The following ENDOU variants were observed in gnomAD, a reference collection of about 807,000 sequenced individuals.
The protein encoded by ENDOU is uridylate-specific endoribonuclease.
In ENDOU, 49 loss-of-function variants were observed where a neutral mutation model predicts 54.2. The observed-to-expected ratio is 0.90, with a 90% CI of 0.72 to 1.15. The LOEUF (loss-of-function observed/expected upper bound fraction) is 1.15. Among genes scored for constraint, ENDOU ranks in the 50% most tolerant of loss-of-function variants. The pLI is 0.00. For missense variants in ENDOU, 458 were observed against 511.4 expected (o/e 0.90, Z 1.01); for synonymous variants, 172 against 190.5 (o/e 0.90, Z 0.80).
chr12:47,717,045 G>A lies in ENDOU; in HGVS notation c.396C>T (p.Ser132=). The A allele has an allele frequency of 6.2e-7, 1 of 1,614,070 alleles. No homozygotes were observed. The highest frequency in any genetic ancestry group is 8.5e-7 in the Non-Finnish European group (1 of 1,180,002). ...TCTCCTCTTTTGTTATGGCATCACT[G>A]CTGTGGGAGACCTCTGGGAGGAATT... ...SLCSDHEVSH[S]SDAITKEEIQ... The change falls in exon 5 of 10, where the codon AGC becomes AGT. Residue 132 remains serine (S), a synonymous_variant. Coordinates refer to ENST00000422538, the MANE Select transcript of ENDOU (RefSeq NM_001172439.2).
In ENDOU at chr12:47,710,829, G is replaced by T. The variant is rs1207503274; in HGVS notation, c.1206C>A (p.Ala402=). ...AGGTGGAAGACACTATGTAGGCTGT[G>T]GCGATGTACTTCTTGCCATTCCCAT... ...STYGNGKKYI[A]TAYIVSST is the part of the protein sequence containing the mutation. The change falls in exon 10 of 10, where the codon GCC becomes GCA. Residue 402 remains alanine, a synonymous_variant. Transcript: ENST00000422538. 1.3e-5 allele frequency: 21 copies of T among 1,613,890 alleles called. No homozygotes were observed. Among genetic ancestry groups the T allele is most frequent in the Non-Finnish European group, 1.7e-5 (20 of 1,179,754 alleles).
intron 2 of ENDOU, 159 bp downstream of exon 2, chr12:47,720,594 T>C (rs1940398789): frequency 1.7e-6 from 1 of 587,674 alleles, no homozygotes; most frequent in Non-Finnish European, 2.7e-6. Context: ...CTGAGAAAAG[T>C]GGTGGCCAAA....
In ENDOU at chr12:47,713,275, C is replaced by T; in HGVS notation, c.865G>A (p.Gly289Ser). 2 of 1,599,376 alleles carry T rather than the reference C, an allele frequency of 1.3e-6. No homozygotes were observed. The highest frequency in any genetic ancestry group is 2.7e-5 in the African/African-American group (2 of 74,738). Residue 289 changes from glycine to serine, a missense_variant and splice_region_variant, in exon 7 of 10, where the codon GGT becomes AGT. Gly to Ser is a moderately conservative substitution (Grantham distance 56). Transcript: ENST00000422538. The stretch of plus-strand genomic sequence containing the variant: ...TTCTTTCCAAGAAAAGTGCTCCCAC[C>T]TGAGAAGACATGTTCAAAGCCACTC... ...DSSGFEHVFS[G>S]EVKKGKVTGF...
In ENDOU at chr12:47,711,649, C is replaced by A. The variant is rs773623402; in HGVS notation, c.1099G>T (p.Ala367Ser). 1.9e-6 allele frequency: 3 copies of A among 1,613,394 alleles called. No individual in the cohort carries two copies. Among genetic ancestry groups the A allele is most frequent in the Non-Finnish European group, 2.5e-6 (3 of 1,179,844 alleles). The change falls in exon 9 of 10, where the codon GCC becomes TCC. Residue 367 changes from alanine (A) to serine (S), a missense_variant. Transcript: ENST00000422538. The part of the protein sequence containing the change: ...EFALYSLCFI[A>S]RPGKVCQLSL... The stretch of plus-strand genomic sequence containing the variant: ...CATTCTTACACTTTGCCTGGCCTGG[C>A]GATGAAGCACAGGGAGTAGAGTGCA...
At chr12:47,717,854 TGC>T in intron 3 of ENDOU, 199 bp from the exon 4 acceptor site, 1 of 618,624 alleles carries the variant, frequency 1.6e-6, no homozygotes, top group Non-Finnish European at 2.8e-6. Context: ...CTTTCTGGCC[TGC>T]TGTTTTTCTA....
In ENDOU at chr12:47,716,951, T is replaced by C. The variant is rs1223481214; in HGVS notation, c.490A>G (p.Asn164Asp). The C allele has an allele frequency of 6.2e-7, 1 of 1,613,920 alleles. No homozygotes were observed. Among genetic ancestry groups the C allele is most frequent in the Non-Finnish European group, 8.5e-7 (1 of 1,179,908 alleles). ...NKAQKEDIVLNSQNCISPSET... is the reference protein window; with the variant it reads ...NKAQKEDIVLDSQNCISPSET... ...GACGGGGAGATGCAGTTTTGGCTAT[T>C]GAGAACGATGTCTTCCTTCTGGGCT... Residue 164 changes from asparagine (N) to aspartate (D), a missense_variant, in exon 5 of 10, where the codon AAT (asparagine) becomes GAT (aspartate). Coordinates refer to ENST00000422538, the MANE Select transcript of ENDOU (RefSeq NM_001172439.2).
intron 1 of ENDOU, among the ~76,000 whole-genome samples, chr12:47,723,353 T>TG (rs1162086434): frequency 6.6e-6 from 1 of 152,200 alleles, no homozygotes. Flanking sequence ...TGTGACATTC[T>TG]GGGGACACTC....
chr12:47,718,223 C>G (rs749202908), intron 2 of ENDOU, 29 bp from the exon 3 acceptor site: 2 of 1,544,814 alleles, frequency 1.3e-6, no homozygotes, highest in South Asian at 2.4e-5. Flanking sequence ...ATAAAGTCAC[C>G]AACAACCTGA....
intron 1 of ENDOU, among the ~76,000 whole-genome samples, chr12:47,721,870 T>A (rs1565737279): frequency 6.6e-6 from 1 of 152,196 alleles, no homozygotes; most frequent in African/African-American, 2.4e-5. Flanking sequence ...ATACTGTGGG[T>A]TACAGAGAAT....
intron 3 of ENDOU, 167 bp downstream of exon 3, chr12:47,717,962 G>A: frequency 1.5e-6 from 1 of 664,858 alleles, no homozygotes; most frequent in Non-Finnish European, 2.5e-6. Flanking sequence ...CCCCAGGCTG[G>A]CTGAGCCCCC....
intron 1 of ENDOU, among the ~76,000 whole-genome samples, chr12:47,722,035 A>G (rs1480833917): frequency 6.6e-6 from 1 of 152,184 alleles, no homozygotes; most frequent in East Asian, 1.9e-4. Flanking sequence ...ACAATTTTGT[A>G]TTGATATTTG....
At chr12:47,716,645 C>T (rs1182626359) in intron 5 of ENDOU, 146 bp from the exon 6 acceptor site, 9 of 748,708 alleles carry the variant, frequency 1.2e-5, no homozygotes, top group Non-Finnish European at 2.0e-5. Context: ...GAAAGTCACA[C>T]ATCAGGTCAC....
chr12:47,717,689 CCTCTAGAGGTCG>C, intron 3 of ENDOU, 34 bp from the exon 4 acceptor site: 1 of 1,606,408 alleles, frequency 6.2e-7, no homozygotes, highest in Non-Finnish European at 8.5e-7. Flanking sequence ...CCCGGGCTGA[CCTCTAGAGGTCG>C]CTCTGAACGC....
Position 47,710,872 on chromosome 12 carries a change from G to T in ENDOU, c.1163C>A (p.Thr388Asn), listed in dbSNP as rs1178282358. 1.2e-6 allele frequency: 2 copies of T among 1,614,004 alleles called. No individual in the cohort carries two copies. The highest frequency in any genetic ancestry group is 1.7e-6 in the Non-Finnish European group (2 of 1,179,982). Residue 388 changes from threonine to asparagine, a missense_variant, in exon 10 of 10, where the codon ACC (threonine) becomes AAC (asparagine). Physicochemically the swap from Thr to Asn is moderately conservative, Grantham distance 65. Coordinates refer to ENST00000422538, the MANE Select transcript of ENDOU (RefSeq NM_001172439.2). ...ATTCCCATAGGTGGACTTGTCCCAG[G>T]TATATGTCCGGACAGCTAAGGGATA... ...GGYPLAVRTY[T>N]WDKSTYGNGK... is the part of the protein sequence containing the mutation.
intron 1 of ENDOU, among the ~76,000 whole-genome samples, chr12:47,724,852 C>T (rs984611613): frequency 6.6e-6 from 1 of 152,266 alleles, no homozygotes; most frequent in East Asian, 1.9e-4. Flanking sequence ...TAGGACGAGG[C>T]CCACCTCCTG....
chr12:47,714,291 A>G (rs1387890060), intron 6 of ENDOU, among the ~76,000 whole-genome samples: 2 of 152,244 alleles, frequency 1.3e-5, no homozygotes, highest in Non-Finnish European at 2.9e-5. Flanking sequence ...AATCTCTTTA[A>G]CAACTCTATA....
At chr12:47,723,752 G>T (rs2239188) in intron 1 of ENDOU, among the ~76,000 whole-genome samples, 37,073 of 151,960 alleles carry the variant, frequency 0.24, 5,089 homozygotes, top group African/African-American at 0.39. Flanking sequence ...CATCTGTACC[G>T]TTAGAAGGCC....
At chr12:47,722,552 G>A (rs116943909) in intron 1 of ENDOU, among the ~76,000 whole-genome samples, 2,920 of 152,270 alleles carry the variant, frequency 0.019, 47 homozygotes, top group Non-Finnish European at 0.031. Context: ...GTGAATAAAC[G>A]GTGGCAATAT....
intron 7 of ENDOU, 53 bp downstream of exon 7, chr12:47,713,222 A>T: frequency 7.8e-7 from 1 of 1,288,040 alleles, no homozygotes; most frequent in South Asian, 1.2e-5. Context: ...TCCTGAGCAA[A>T]GCCATTCCTC....
Sources: gnomAD v4.1 joint callset for allele counts (sites outside exome capture counted in the v4.1 genomes callset) on GRCh38, gnomAD v4.1.1 for gene constraint, MANE v1.5 for transcripts, NCBI Gene and HGNC (gene_info 2026-07-23, HGNC 2026-07-21) for gene names.